The following PLXNA1 variants were observed in gnomAD, a reference collection of about 807,000 sequenced individuals.
PLXNA1 encodes plexin-A1.
A neutral mutation model predicts 191.7 loss-of-function variants in PLXNA1; 77 were observed. The ratio of observed to expected loss-of-function variants is 0.40; its 90% CI spans 0.33 to 0.49. The LOEUF is 0.49. Ranked by LOEUF, PLXNA1 falls within the 20% of genes least tolerant of loss-of-function variation. The pLI is 0.63. For synonymous variants in PLXNA1, 1,137 were observed against 1,156.4 expected (o/e 0.98, Z 0.34); for missense variants, 2,110 against 2,660.2 (o/e 0.79, Z 4.55).
chr3:126,997,961 G>A (rs1221137920), intron 3 of PLXNA1, among the ~76,000 whole-genome samples: 3 of 152,190 alleles, frequency 2.0e-5, no homozygotes, highest in African/African-American at 4.8e-5. Context: ...TATCCACACC[G>A]GGCAGTCGCC....
chr3:126,988,908 C>G lies in PLXNA1; in HGVS notation c.315C>G (p.Pro105=). Residue 105 remains proline (P), a synonymous_variant, in exon 2 of 32, where the codon CCC becomes CCG. Transcript: ENST00000393409. ...CGCCGCCCAGCGTGCAGTCCTGCCCCCACGGCCTGGGCAGTACTGACAACG... is the reference window on the plus strand; with the variant it reads ...CGCCGCCCAGCGTGCAGTCCTGCCCGCACGGCCTGGGCAGTACTGACAACG... ...CYPPPSVQSC[P]HGLGSTDNVN... 1 of 1,613,306 alleles carries G rather than the reference C, an allele frequency of 6.2e-7. No individual in the cohort carries two copies. Among genetic ancestry groups the G allele is most frequent in the South Asian group, 1.1e-5 (1 of 91,090 alleles).
At chr3:127,007,502 T>TG (rs1324770758) in intron 8 of PLXNA1, among the ~76,000 whole-genome samples, 1 of 152,046 alleles carries the variant, frequency 6.6e-6, no homozygotes, top group Non-Finnish European at 1.5e-5. Context: ...AGTCAGGTGG[T>TG]GATCAAGGCT....
intron 3 of PLXNA1, 115 bp from the exon 4 acceptor site, chr3:127,003,215 C>T (rs1267236821): frequency 2.8e-5 from 34 of 1,201,690 alleles, no homozygotes; most frequent in Non-Finnish European, 3.0e-5. Context: ...CCTCTCTGCT[C>T]ATGCATGTCT....
chr3:126,993,653 T>C (rs9840513), intron 3 of PLXNA1, among the ~76,000 whole-genome samples: 152,128 of 152,354 alleles, frequency 1, 75,951 homozygotes, highest in Middle Eastern at 1. Flanking sequence ...CCGTGGGCCA[T>C]GTGTGAGTGG....
Position 127,022,258 on chromosome 3 carries a change from C to T in PLXNA1, c.4212C>T (p.Ala1404=). ...MTALQGEMEY[A]TGVLKQLLSD... The stretch of plus-strand genomic sequence containing the variant: ...CCCTGCAGGGCGAGATGGAATACGC[C>T]ACAGGCGTGCTCAAGCAGCTGCTTT... Residue 1404 remains alanine, a synonymous_variant, in exon 22 of 32, where the codon GCC becomes GCT. Transcript: ENST00000393409. 1.9e-6 allele frequency: 3 copies of T among 1,613,552 alleles called. No homozygotes were observed. Among genetic ancestry groups the T allele is most frequent in the South Asian group, 2.2e-5 (2 of 91,074 alleles).
Position 127,028,167 on chromosome 3 carries a change from C to G in PLXNA1, c.4510-14C>G, listed in dbSNP as rs765903135. On this transcript the variant is annotated splice_polypyrimidine_tract_variant and intron_variant, in intron 24 of 31. Coordinates refer to ENST00000393409, the MANE Select transcript of PLXNA1 (RefSeq NM_032242.4). ...TGGGGCTGACGCTGCCCCCTTGCTC[C>G]ACCCCGCCCGCAGACCCTGAACTGT... 8 of 1,613,290 alleles carry G rather than the reference C, an allele frequency of 5.0e-6. No homozygotes were observed. Among genetic ancestry groups the G allele is most frequent in the Non-Finnish European group, 6.8e-6 (8 of 1,179,960 alleles).
chr3:126,989,910 TC>T, intron 2 of PLXNA1, 123 bp downstream of exon 2: 1 of 832,762 alleles, frequency 1.2e-6, no homozygotes, highest in Non-Finnish European at 1.9e-6. Flanking sequence ...GGCTTGGCCA[TC>T]CCCATGGCTC....
At chr3:126,988,032 A>G (rs1174728611) in intron 1 of PLXNA1, among the ~76,000 whole-genome samples, 1 of 152,100 alleles carries the variant, frequency 6.6e-6, no homozygotes, top group Admixed American at 6.5e-5. Flanking sequence ...AAGCCCATCT[A>G]TGTCAAGCTT....
At chr3:127,024,233 T>C (rs868570819) in intron 23 of PLXNA1, among the ~76,000 whole-genome samples, 3 of 152,216 alleles carry the variant, frequency 2.0e-5, no homozygotes, top group South Asian at 4.2e-4. Flanking sequence ...GGGCAGCAAA[T>C]GCCTATAAGC....
intron 22 of PLXNA1, 46 bp downstream of exon 22, chr3:127,022,387 C>G: frequency 6.3e-7 from 1 of 1,590,280 alleles, no homozygotes; most frequent in East Asian, 2.3e-5. Context: ...GCCCATGCCT[C>G]CAGCTTTGGA....
Position 127,035,511 on chromosome 3 carries a change from C to T in PLXNA1, c.*1494C>T, listed in dbSNP as rs982742852. Reference sequence around the variant, plus strand: ...GAGCCTCTGGGGTGCCGCGGCACCACGGGGCATGCATGATTGTGCTAGCGT... The same window carrying T: ...GAGCCTCTGGGGTGCCGCGGCACCATGGGGCATGCATGATTGTGCTAGCGT... On this transcript the variant is annotated 3_prime_UTR_variant, in exon 32 of 32. Coordinates refer to ENST00000393409, the MANE Select transcript of PLXNA1 (RefSeq NM_032242.4). 10 of 152,518 alleles carry T rather than the reference C, an allele frequency of 6.6e-5. No individual in the cohort carries two copies. The highest frequency in any genetic ancestry group is 2.0e-4 in the Admixed American group (3 of 15,276). The allele number at this position is 152,518 out of a possible 1,614,324, so 9.4% of individuals were successfully genotyped here.
chr3:127,014,413 G>A (rs57284752), intron 12 of PLXNA1, 38 bp downstream of exon 12: 18 of 1,429,830 alleles, frequency 1.3e-5, no homozygotes, highest in Admixed American at 5.4e-5. Flanking sequence ...CCCATGCCCC[G>A]CCCTGCACCA....
rs1397300167 is a variant in PLXNA1 at position 127,034,397 on chromosome 3, T to A, written c.*380T>A. 5.6e-6 allele frequency: 1 copy of A among 179,020 alleles called. No homozygotes were observed. The highest frequency in any genetic ancestry group is 2.4e-5 in the African/African-American group (1 of 42,548). 11.1% of individuals were successfully genotyped at this position (179,020 alleles called of 1,614,324 possible). ...GGGGAGGGGTAGCCAGCTTGGGCTGTCCCCTTGAGACCAGGACAAGAGGCT... is the reference window on the plus strand; with the variant it reads ...GGGGAGGGGTAGCCAGCTTGGGCTGACCCCTTGAGACCAGGACAAGAGGCT... On this transcript the variant is annotated 3_prime_UTR_variant, in exon 32 of 32. Coordinates refer to ENST00000393409, the MANE Select transcript of PLXNA1 (RefSeq NM_032242.4).
chr3:126,983,877 C>T (rs535136189), intron 1 of PLXNA1, among the ~76,000 whole-genome samples: 1 of 152,272 alleles, frequency 6.6e-6, no homozygotes, highest in African/African-American at 2.4e-5. Context: ...AGCCCCCGGC[C>T]GGCCCTGGGG....
At chr3:127,016,098 C>G (rs1402767464) in intron 15 of PLXNA1, among the ~76,000 whole-genome samples, 1 of 152,118 alleles carries the variant, frequency 6.6e-6, no homozygotes, top group African/African-American at 2.4e-5. Context: ...CCAGCCCTCC[C>G]CAGGGACAGA....
Position 126,991,493 on chromosome 3 carries a change from C to A in PLXNA1, c.1304C>A (p.Thr435Asn). Residue 435 changes from threonine to asparagine, a missense_variant, in exon 3 of 32, where the codon ACC (threonine) becomes AAC (asparagine). Coordinates refer to ENST00000393409, the MANE Select transcript of PLXNA1 (RefSeq NM_032242.4). Reference protein sequence around the residue: ...PLFVDKDDGLTAVAAYDYRGR... With the variant: ...PLFVDKDDGLNAVAAYDYRGR... ...TTCGTGGACAAGGATGATGGCCTGA[C>A]CGCCGTGGCTGCCTATGACTATCGG... is the stretch of plus-strand genomic sequence containing the variant. 6.2e-7 allele frequency: 1 copy of A among 1,612,568 alleles called. No individual in the cohort carries two copies. The highest frequency in any genetic ancestry group is 1.1e-5 in the South Asian group (1 of 91,028).
chr3:127,012,295 A>AGGAGTGG, intron 10 of PLXNA1, 137 bp downstream of exon 10: 6 of 909,224 alleles, frequency 6.6e-6, no homozygotes, highest in Non-Finnish European at 8.2e-6. Context: ...GTCAGAAGCC[A>AGGAGTGG]CTCCTGGCTT....
chr3:127,017,931 A>G lies in PLXNA1; in HGVS notation c.3660+39A>G, dbSNP rs557540026. On this transcript the variant is annotated intron_variant, in intron 19 of 31. Transcript: ENST00000393409. ...CCGGGGGTGCAGAGCTGGGAGAGCC[A>G]TGCCCCACCTGTGGACCCTGCCCCA... The G allele has an allele frequency of 7.2e-5, 115 of 1,606,458 alleles. No individual in the cohort carries two copies. The East Asian group carries it at 2.6e-3, about 36-fold the overall frequency.
intron 15 of PLXNA1, 113 bp from the exon 16 acceptor site, chr3:127,016,403 CA>C: frequency 1.1e-6 from 1 of 902,678 alleles, no homozygotes; most frequent in African/African-American, 1.6e-5. Flanking sequence ...TGCAGCCACC[CA>C]AGGCAGTACC....
Sources: allele counts gnomAD v4.1 joint callset (sites outside exome capture counted in the v4.1 genomes callset), GRCh38; gene constraint gnomAD v4.1.1; transcripts MANE v1.5; gene names NCBI Gene and HGNC (gene_info 2026-07-23, HGNC 2026-07-21).